The following SLC66A2 variants were observed in gnomAD, a reference collection of about 807,000 sequenced individuals.
SLC66A2 encodes PQ loop repeat containing 1.
A neutral mutation model predicts 25.5 loss-of-function variants in SLC66A2; 23 were observed. That is an observed-to-expected ratio of 0.90 (90% CI 0.65 to 1.28). The LOEUF (loss-of-function observed/expected upper bound fraction) is 1.28. Among genes scored for constraint, SLC66A2 ranks in the 50% most tolerant of loss-of-function variants. The probability of loss-of-function intolerance (pLI) is 0.00; values close to 1 mark genes in which losing one functional copy is unlikely to be tolerated. For missense variants in SLC66A2, 396 were observed against 373.1 expected (o/e 1.06, Z -0.51); for synonymous variants, 193 against 166.5 (o/e 1.16, Z -1.23).
intron 4 of SLC66A2, among the ~76,000 whole-genome samples, chr18:79,922,705 C>G (rs549946723): frequency 8.6e-5 from 13 of 151,952 alleles, no homozygotes; most frequent in African/African-American, 3.1e-4. Flanking sequence ...TGCCAAGAAG[C>G]CTGCAAGGCC....
At chr18:79,905,084 C>G (rs570480818) in intron 5 of SLC66A2, among the ~76,000 whole-genome samples, 6 of 152,164 alleles carry the variant, frequency 3.9e-5, no homozygotes, top group Non-Finnish European at 7.4e-5. Context: ...GCTAGGAACC[C>G]GCAGGAGACA....
chr18:79,925,568 G>A (rs901934111), intron 4 of SLC66A2, among the ~76,000 whole-genome samples: 2 of 152,236 alleles, frequency 1.3e-5, no homozygotes, highest in Non-Finnish European at 2.9e-5. Flanking sequence ...CGTCGCACGG[G>A]CGTGGCTGCC....
rs1435568144 is a variant in SLC66A2 at position 79,917,923 on chromosome 18, G to A, written c.608+1261C>T. ...CACACCTCTACCTACAGCCCACACC[G>A]GAACTCCATACCCCACACCCCAGCC... On this transcript the variant is annotated intron_variant, in intron 5 of 5. Coordinates refer to ENST00000397778, the MANE Select transcript of SLC66A2 (RefSeq NM_025078.5). The surrounding 1 kb of genome is among the most constrained non-coding windows in gnomAD (Gnocchi z 6.0). Among the ~76,000 whole-genome samples the A allele has an allele frequency of 8.7e-5, 13 of 149,756 alleles. No individual in the cohort carries two copies. The highest frequency in any genetic ancestry group is 1.3e-4 in the Non-Finnish European group (9 of 67,422).
At chr18:79,908,664 T>C (rs2123199884) in intron 5 of SLC66A2, among the ~76,000 whole-genome samples, 1 of 152,348 alleles carries the variant, frequency 6.6e-6, no homozygotes, top group Admixed American at 6.5e-5. Flanking sequence ...CCTTTGGAAT[T>C]TGTCCCTGAC....
rs570545634 is a variant in SLC66A2 at position 79,940,762 on chromosome 18, G to A, written c.337+2567C>T. On this transcript the variant is annotated intron_variant, in intron 3 of 5. Transcript: ENST00000397778. The surrounding 1 kb of genome is among the most constrained non-coding windows in gnomAD (Gnocchi z 4.1). ...CCTGGCCCATCCACCAAGGGGACGT[G>A]GACATGTATAAACTCAAACCGGACT... 3.3e-4 allele frequency among the ~76,000 whole-genome samples: 51 copies of A among 152,270 alleles called. No homozygotes were observed. The highest frequency in any genetic ancestry group is 2.5e-3 in the South Asian group (12 of 4,826).
At chr18:79,946,979 C>G (rs1466412570) in intron 2 of SLC66A2, among the ~76,000 whole-genome samples, 1 of 152,092 alleles carries the variant, frequency 6.6e-6, no homozygotes, top group Non-Finnish European at 1.5e-5. Context: ...AAAAAAAAAT[C>G]CAGCAGAAGA....
chr18:79,934,142 CA>C, intron 3 of SLC66A2, 120 bp from the exon 4 acceptor site: 1 of 745,108 alleles, frequency 1.3e-6, no homozygotes, highest in Non-Finnish European at 2.2e-6. Flanking sequence ...AAAAAAAAAA[CA>C]AACCAGAATA....
intron 3 of SLC66A2, among the ~76,000 whole-genome samples, chr18:79,942,809 G>A (rs1224321534): frequency 6.6e-6 from 1 of 152,208 alleles, no homozygotes; most frequent in Admixed American, 6.5e-5. Context: ...GATTGGTCCT[G>A]CCCAGCTGTC....
rs1470560065 is a variant in SLC66A2 at position 79,917,182 on chromosome 18, G to GC, written c.608+2001dup. On this transcript the variant is annotated intron_variant, in intron 5 of 5. Coordinates refer to ENST00000397778, the MANE Select transcript of SLC66A2 (RefSeq NM_025078.5). The surrounding 1 kb of genome is among the most constrained non-coding windows in gnomAD (Gnocchi z 6.0). Reference sequence around the variant, plus strand: ...GGCCTAAGACAGGCCTGCCTGCAGGGCCGCCTCGGCCAGCATCTGGAAACT... The same window carrying GC: ...GGCCTAAGACAGGCCTGCCTGCAGGGCCCGCCTCGGCCAGCATCTGGAAACT... 6.6e-6 allele frequency among the ~76,000 whole-genome samples: 1 copy of GC among 152,268 alleles called. No individual in the cohort carries two copies.
intron 5 of SLC66A2, among the ~76,000 whole-genome samples, chr18:79,909,650 CAT>C (rs1421429124): frequency 1.5e-4 from 19 of 126,670 alleles, no homozygotes; most frequent in South Asian, 3.0e-4. Flanking sequence ...ACATCCTCAC[CAT>C]AGAGTCCCCA....
intron 4 of SLC66A2, among the ~76,000 whole-genome samples, chr18:79,924,405 G>A (rs535267803): frequency 5.3e-5 from 8 of 152,316 alleles, no homozygotes; most frequent in East Asian, 1.9e-4. Flanking sequence ...CAGACGAGCC[G>A]CCGTCGGGGC....
chr18:79,936,189 G>A (rs1987070490), intron 3 of SLC66A2, among the ~76,000 whole-genome samples: 1 of 152,218 alleles, frequency 6.6e-6, no homozygotes, highest in Non-Finnish European at 1.5e-5. Context: ...GGAGTGCAGG[G>A]GTGATAGTGA....
rs1986479611 is a variant in SLC66A2, at chr18:79,930,654, G to A, written c.391+3315C>T. Among the ~76,000 whole-genome samples, 3 of 152,192 alleles carry A rather than the reference G, an allele frequency of 2.0e-5. No individual in the cohort carries two copies. The South Asian group carries it at 6.2e-4, about 32-fold the overall frequency. On this transcript the variant is annotated intron_variant, in intron 4 of 5. Transcript: ENST00000397778. ...TTGGGGGCCTTTAACATAAAGAAAT[G>A]TAATATATTTGACAATAATATTAAT...
chr18:79,950,860 C>A lies in SLC66A2; in HGVS notation c.67G>T (p.Ala23Ser), dbSNP rs781654591. Residue 23 changes from alanine (A) to serine (S), a missense_variant, in exon 2 of 6, where the codon GCG (alanine) becomes TCG (serine). Physicochemically the swap from Ala to Ser is moderately conservative, Grantham distance 99. Transcript: ENST00000397778. ...ACCACCCCTCCGAAGACCATGGCCG[C>A]GGCCGCGCCCCAGGACACCAGCTGG... ...LHQLVSWGAA[A>S]AMVFGGVVPY... is the part of the protein sequence containing the mutation. 375 of 1,609,012 alleles carry A rather than the reference C, an allele frequency of 2.3e-4. No homozygotes were observed. The highest frequency in any genetic ancestry group is 3.1e-4 in the Non-Finnish European group (363 of 1,178,492).
chr18:79,943,218 T>A, intron 3 of SLC66A2, 111 bp downstream of exon 3: 1 of 1,335,936 alleles, frequency 7.5e-7, no homozygotes, highest in South Asian at 1.5e-5. Flanking sequence ...CAGCACCACT[T>A]GGTGAAATGA....
intron 5 of SLC66A2, among the ~76,000 whole-genome samples, chr18:79,911,425 C>A (rs1407878309): frequency 6.6e-6 from 1 of 152,270 alleles, no homozygotes; most frequent in African/African-American, 2.4e-5. Flanking sequence ...AGCCGGGACA[C>A]AGCCCTGGTC....
In SLC66A2 at chr18:79,918,560, G is replaced by T. The variant is rs1040262074; in HGVS notation, c.608+624C>A. 9.9e-5 allele frequency among the ~76,000 whole-genome samples: 15 copies of T among 152,224 alleles called. No individual in the cohort carries two copies. Among genetic ancestry groups the T allele is most frequent in the Non-Finnish European group, 5.9e-5 (4 of 68,028 alleles). ...TTTTCTGCCCCCGCCACAGCGAGCA[G>T]ATCTGTTTTTATTACAATGCAGTTT... On this transcript the variant is annotated intron_variant, in intron 5 of 5. Coordinates refer to ENST00000397778, the MANE Select transcript of SLC66A2 (RefSeq NM_025078.5). This position sits in a 1 kb window ranked among gnomAD's most constrained non-coding sequence, Gnocchi z 4.0.
At chr18:79,948,713 C>T (rs905216052) in intron 2 of SLC66A2, among the ~76,000 whole-genome samples, 1 of 152,164 alleles carries the variant, frequency 6.6e-6, no homozygotes, top group African/African-American at 2.4e-5. Flanking sequence ...GAACTTCTTT[C>T]CCGTATGGTT....
intron 5 of SLC66A2, among the ~76,000 whole-genome samples, chr18:79,914,667 A>G (rs1983728537): frequency 6.6e-6 from 1 of 152,242 alleles, no homozygotes; most frequent in Admixed American, 6.5e-5. Flanking sequence ...CGGAGAAGCC[A>G]GAAGACCACA....
Sources: gnomAD v4.1 joint callset for allele counts (sites outside exome capture counted in the v4.1 genomes callset) on GRCh38, gnomAD v4.1.1 for gene constraint, Gnocchi (gnomAD v3.1) non-coding constraint, MANE v1.5 for transcripts, NCBI Gene and HGNC (gene_info 2026-07-23, HGNC 2026-07-21) for gene names.